The following ZDHHC15 variants were observed in gnomAD, a reference collection of about 807,000 sequenced individuals.
The protein encoded by ZDHHC15 is palmitoyltransferase ZDHHC15.
In ZDHHC15, 19 loss-of-function variants were observed where a neutral mutation model predicts 31.7. The observed-to-expected ratio is 0.60, with a 90% CI of 0.42 to 0.88. The LOEUF is 0.88. Ranked by LOEUF, ZDHHC15 falls within the 40% of genes least tolerant of loss-of-function variation. The pLI is 0.00. For synonymous variants in ZDHHC15, 103 were observed against 90.0 expected (o/e 1.14, Z -0.82); for missense variants, 209 against 251.2 (o/e 0.83, Z 1.14).
intron 10 of ZDHHC15, among the ~76,000 whole-genome samples, chrX:75,383,604 T>C (rs939628275): frequency 9.0e-6 from 1 of 111,409 alleles, no homozygotes; most frequent in Non-Finnish European, 1.9e-5. Context: ...TTGTATCCTT[T>C]GAATTCTGAT....
intron 2 of ZDHHC15, among the ~76,000 whole-genome samples, chrX:75,483,056 CAT>C (rs1262817755): frequency 2.1e-5 from 2 of 95,564 alleles, no homozygotes; most frequent in African/African-American, 8.6e-5. Context: ...CATATATACA[CAT>C]ATGTGTATAT....
At chrX:75,461,647 A>T (rs2084316962) in intron 3 of ZDHHC15, among the ~76,000 whole-genome samples, 1 of 112,033 alleles carries the variant, frequency 8.9e-6, no homozygotes, top group Non-Finnish European at 1.9e-5. Flanking sequence ...AAAGAAAATA[A>T]TTTTCAGCCC....
intron 10 of ZDHHC15, among the ~76,000 whole-genome samples, chrX:75,412,111 A>G: frequency 8.9e-6 from 1 of 111,924 alleles, no homozygotes; most frequent in East Asian, 2.8e-4. Context: ...CATTCTCAAA[A>G]AGTCAAAAGA....
chrX:75,435,566 G>A (rs905426526), intron 4 of ZDHHC15, among the ~76,000 whole-genome samples: 2 of 111,898 alleles, frequency 1.8e-5, no homozygotes, highest in Non-Finnish European at 3.8e-5. Flanking sequence ...GCTGGATTTT[G>A]TCAAATGTTT....
intron 2 of ZDHHC15, among the ~76,000 whole-genome samples, chrX:75,495,429 G>A (rs1318424317): frequency 9.0e-6 from 1 of 111,098 alleles, no homozygotes; most frequent in African/African-American, 3.3e-5. Flanking sequence ...TCCCATTACT[G>A]GGTATATACC....
rs2082978196 is a variant in ZDHHC15 at position 75,368,596 on chromosome X, G to T, written c.*4382C>A. ...TTGGCAACCTATGCTTAACTTCTGAGGTCTCCTTTTCTGGCACTCTAATAT... is the reference window on the plus strand; with the variant it reads ...TTGGCAACCTATGCTTAACTTCTGATGTCTCCTTTTCTGGCACTCTAATAT... On this transcript the variant is annotated 3_prime_UTR_variant, in exon 12 of 12. Transcript: ENST00000373367. 1 of 111,227 alleles carries T rather than the reference G, an allele frequency of 9.0e-6. No homozygotes were observed. 9.2% of individuals were successfully genotyped at this position (111,227 alleles called of 1,213,427 possible). A position where few individuals can be genotyped will look rare whatever the true frequency, so the allele number is the denominator to read the frequency against.
chrX:75,411,668 T>C (rs1310254203), intron 10 of ZDHHC15, among the ~76,000 whole-genome samples: 2 of 112,283 alleles, frequency 1.8e-5, no homozygotes, highest in Admixed American at 1.9e-4. Context: ...AATATGTACA[T>C]CTATTATAAA....
chrX:75,442,141 T>C (rs1240753761), intron 4 of ZDHHC15, among the ~76,000 whole-genome samples: 1 of 112,273 alleles, frequency 8.9e-6, no homozygotes, highest in African/African-American at 3.2e-5. Context: ...TGAGAGTTTT[T>C]CTGGGTGAGA....
At chrX:75,384,587 A>C (rs918503793) in intron 10 of ZDHHC15, 2 of 789,065 alleles carry the variant, frequency 2.5e-6, no homozygotes, top group Non-Finnish European at 3.8e-6. Context: ...AAACAAGTTA[A>C]GGGCAAGATT....
At chrX:75,458,680 C>T (rs2084262874) in intron 3 of ZDHHC15, among the ~76,000 whole-genome samples, 2 of 110,118 alleles carry the variant, frequency 1.8e-5, no homozygotes, top group Admixed American at 2.0e-4. Flanking sequence ...TTGGCTATTA[C>T]AATGAATGTG....
At chrX:75,462,692 G>T (rs1037408536) in intron 3 of ZDHHC15, among the ~76,000 whole-genome samples, 1 of 111,849 alleles carries the variant, frequency 8.9e-6, no homozygotes, top group Non-Finnish European at 1.9e-5. Flanking sequence ...ATGACATTAA[G>T]ACAGAAATCA....
Position 75,399,722 on chromosome X carries a change from A to G in ZDHHC15, c.967+17365T>C, listed in dbSNP as rs1039187794. Reference sequence around the variant, plus strand: ...AGACTAAAGGGGGAGAGGAACCTTCACTTTCAGAGCACTGAGAGGAAATAT... The same window carrying G: ...AGACTAAAGGGGGAGAGGAACCTTCGCTTTCAGAGCACTGAGAGGAAATAT... On this transcript the variant is annotated intron_variant, in intron 10 of 11. Transcript: ENST00000373367. 7.2e-5 allele frequency among the ~76,000 whole-genome samples: 8 copies of G among 111,381 alleles called. No individual in the cohort carries two copies. In the Admixed American group the frequency reaches 7.6e-4, roughly 11 times the overall value.
Position 75,379,093 on chromosome X carries a change from T to A in ZDHHC15, c.*32+27A>T, listed in dbSNP as rs150747168. The A allele has an allele frequency of 9.5e-4, 1,104 of 1,160,573 alleles. 6 individuals carry two copies. In the African/African-American group the frequency reaches 0.017, roughly 18 times the overall value. On this transcript the variant is annotated intron_variant, in intron 11 of 11. Coordinates refer to ENST00000373367, the MANE Select transcript of ZDHHC15 (RefSeq NM_144969.3). Reference sequence around the variant, plus strand: ...GCCTTCTTAGCAGTCCAGGTGCCACTGTATGTGTCTCCCTCAGAATACTGA... The same window carrying A: ...GCCTTCTTAGCAGTCCAGGTGCCACAGTATGTGTCTCCCTCAGAATACTGA...
chrX:75,468,961 T>C (rs1359392001), intron 3 of ZDHHC15, among the ~76,000 whole-genome samples: 5 of 112,110 alleles, frequency 4.5e-5, no homozygotes, highest in Non-Finnish European at 9.4e-5. Flanking sequence ...TCTGAACACT[T>C]GACACATCAG....
chrX:75,504,902 C>T (rs772797100), intron 2 of ZDHHC15, among the ~76,000 whole-genome samples: 3 of 111,450 alleles, frequency 2.7e-5, no homozygotes, highest in Non-Finnish European at 3.8e-5. Flanking sequence ...GCTCTACATA[C>T]ATTTACTCAT....
At chrX:75,431,612 C>G in intron 4 of ZDHHC15, 92 bp from the exon 5 acceptor site, 2 of 749,291 alleles carry the variant, frequency 2.7e-6, no homozygotes, top group African/African-American at 2.1e-5. Context: ...TTGTTATGCA[C>G]TGATTATAGA....
At chrX:75,479,963 CT>C (rs1348549821) in intron 2 of ZDHHC15, among the ~76,000 whole-genome samples, 1 of 111,371 alleles carries the variant, frequency 9.0e-6, no homozygotes, top group Non-Finnish European at 1.9e-5. Context: ...TACCCTTTGC[CT>C]TTTAGATAGC....
At chrX:75,405,294 G>C (rs1173782321) in intron 10 of ZDHHC15, among the ~76,000 whole-genome samples, 2 of 111,101 alleles carry the variant, frequency 1.8e-5, no homozygotes, top group East Asian at 5.6e-4. Flanking sequence ...CCTAATACCT[G>C]GGTGATGTAA....
intron 3 of ZDHHC15, among the ~76,000 whole-genome samples, chrX:75,466,425 C>T (rs1332017206): frequency 9.0e-6 from 1 of 111,539 alleles, no homozygotes; most frequent in Admixed American, 9.6e-5. Context: ...TTTGACCCAG[C>T]AATCCCATTA....
Sources: allele counts gnomAD v4.1 joint callset (sites outside exome capture counted in the v4.1 genomes callset), GRCh38; gene constraint gnomAD v4.1.1; transcripts MANE v1.5; gene names NCBI Gene and HGNC (gene_info 2026-07-23, HGNC 2026-07-21).